The following SGTA variants were observed in gnomAD, a reference collection of about 807,000 sequenced individuals.
The protein encoded by SGTA is small glutamine rich tetratricopeptide repeat co-chaperone alpha.
A neutral mutation model predicts 44.3 loss-of-function variants in SGTA; 22 were observed. That is an observed-to-expected ratio of 0.50 (90% CI 0.36 to 0.71). The LOEUF (loss-of-function observed/expected upper bound fraction) is 0.71, where lower values mean the gene tolerates loss of function less well. Among genes scored for constraint, SGTA ranks in the 30% least tolerant of loss-of-function variants. The pLI is 0.00. For missense variants in SGTA, 341 were observed against 435.9 expected, an observed-to-expected ratio of 0.78 and a Z score of 1.94; for synonymous variants, 174 against 177.6, an observed-to-expected ratio of 0.98 and a Z score of 0.16.
In SGTA at chr19:2,767,343, G is replaced by C; in HGVS notation, c.208-123C>G. 1.3e-6 allele frequency: 1 copy of C among 782,876 alleles called. No homozygotes were observed. Among genetic ancestry groups the C allele is most frequent in the African/African-American group, 1.7e-5 (1 of 58,144 alleles). The allele number at this position is 782,876 out of a possible 1,614,324, so 48.5% of individuals were successfully genotyped here. On this transcript the variant is annotated intron_variant, in intron 3 of 11. Coordinates refer to ENST00000221566, the MANE Select transcript of SGTA (RefSeq NM_003021.4). This position sits in a 1 kb window ranked among gnomAD's most constrained non-coding sequence, Gnocchi z 7.3. ...TCCGAAGGACCCGGGGGCTCTGCAG[G>C]GGACTCCTGGCCCCCCATCATGTGG...
intron 1 of SGTA, among the ~76,000 whole-genome samples, chr19:2,774,652 C>T (rs946467065): frequency 6.6e-6 from 1 of 152,134 alleles, no homozygotes; most frequent in South Asian, 2.1e-4. Context: ...CTGAGCACTT[C>T]GCAGACCTAG....
At chr19:2,762,750 AT>A (rs1432613139) in intron 6 of SGTA, 106 bp from the exon 7 acceptor site, 1 of 1,352,428 alleles carries the variant, frequency 7.4e-7, no homozygotes, top group Non-Finnish European at 1.0e-6. Flanking sequence ...ACCACCTCGG[AT>A]GGTGCCACCC....
In SGTA at chr19:2,763,562, G is replaced by A; in HGVS notation, c.497+91C>T. On this transcript the variant is annotated intron_variant, in intron 6 of 11. Transcript: ENST00000221566. This position sits in a 1 kb window ranked among gnomAD's most constrained non-coding sequence, Gnocchi z 5.8. ...ACCGGGGTGGGAGAATTCGTTGTGG[G>A]TGGGAAAAAAGCCACACAAGAGAGG... The A allele has an allele frequency of 1.2e-6, 1 of 859,396 alleles. No homozygotes were observed. The highest frequency in any genetic ancestry group is 1.7e-5 in the African/African-American group (1 of 59,666). The allele number at this position is 859,396 out of a possible 1,614,324, so 53.2% of individuals were successfully genotyped here. A position where few individuals can be genotyped will look rare whatever the true frequency, so the allele number is the denominator to read the frequency against.
chr19:2,782,885 G>C (rs1915603211), intron 1 of SGTA, among the ~76,000 whole-genome samples: 1 of 152,206 alleles, frequency 6.6e-6, no homozygotes, highest in Non-Finnish European at 1.5e-5. Flanking sequence ...GGGGGTCCCT[G>C]AGTCACAGGG....
chr19:2,759,161 C>T (rs1914913245), intron 9 of SGTA, 96 bp downstream of exon 9: 11 of 1,126,204 alleles, frequency 9.8e-6, no homozygotes. Context: ...TTAAGTTGCA[C>T]ACTTTAAAGT....
rs1051567826 is a variant in SGTA, at chr19:2,763,275, C to T, written c.497+378G>A. Among the ~76,000 whole-genome samples, 5 of 152,192 alleles carry T rather than the reference C, an allele frequency of 3.3e-5. No homozygotes were observed. The highest frequency in any genetic ancestry group is 5.9e-5 in the Non-Finnish European group (4 of 68,030). On this transcript the variant is annotated intron_variant, in intron 6 of 11. Coordinates refer to ENST00000221566, the MANE Select transcript of SGTA (RefSeq NM_003021.4). This position sits in a 1 kb window ranked among gnomAD's most constrained non-coding sequence, Gnocchi z 5.8. Reference sequence around the variant, plus strand: ...CTGCACGGGGCGCAGGCTCCTGCCCCGGGGACCCTCCTGGCCTCACTCTCG... The same window carrying T: ...CTGCACGGGGCGCAGGCTCCTGCCCTGGGGACCCTCCTGGCCTCACTCTCG...
In SGTA at chr19:2,765,988, G is replaced by A. The variant is rs1005606610; in HGVS notation, c.293-703C>T. Among the ~76,000 whole-genome samples, 3 of 152,334 alleles carry A rather than the reference G, an allele frequency of 2.0e-5. No homozygotes were observed. The highest frequency in any genetic ancestry group is 2.1e-4 in the South Asian group (1 of 4,828). On this transcript the variant is annotated intron_variant, in intron 4 of 11. Coordinates refer to ENST00000221566, the MANE Select transcript of SGTA (RefSeq NM_003021.4). This position sits in a 1 kb window ranked among gnomAD's most constrained non-coding sequence, Gnocchi z 5.5. ...AATCCCAGCACTTTGGGAGGCCGAC[G>A]CAGGCGGATCGCAAGATCAGGAGAC...
At chr19:2,759,483 T>A in intron 8 of SGTA, 189 bp from the exon 9 acceptor site, 1 of 589,262 alleles carries the variant, frequency 1.7e-6, no homozygotes, top group Non-Finnish European at 3.0e-6. Context: ...AGCTGTGACC[T>A]CCACATTGTG....
At chr19:2,781,155 A>G (rs1915566051) in intron 1 of SGTA, among the ~76,000 whole-genome samples, 1 of 152,192 alleles carries the variant, frequency 6.6e-6, no homozygotes, top group African/African-American at 2.4e-5. Flanking sequence ...TTGGCATAAA[A>G]AAGAAAAAAT....
intron 1 of SGTA, among the ~76,000 whole-genome samples, chr19:2,779,878 G>T (rs1184470464): frequency 1.3e-5 from 2 of 152,028 alleles, no homozygotes; most frequent in Non-Finnish European, 2.9e-5. Flanking sequence ...TTTAAGACCA[G>T]CTTGGGCAAT....
chr19:2,758,037 G>A (rs1406364310), intron 9 of SGTA, among the ~76,000 whole-genome samples: 1 of 152,176 alleles, frequency 6.6e-6, no homozygotes, highest in Non-Finnish European at 1.5e-5. Context: ...GCCCCCAGAG[G>A]ACCCCTGCAA....
At chr19:2,772,443 G>C (rs1226459914) in intron 1 of SGTA, among the ~76,000 whole-genome samples, 1 of 152,236 alleles carries the variant, frequency 6.6e-6, no homozygotes, top group Non-Finnish European at 1.5e-5. Context: ...ACAGTGCAAG[G>C]GGTCTCTGCC....
At chr19:2,757,020 G>T (rs1914837776) in intron 11 of SGTA, among the ~76,000 whole-genome samples, 1 of 152,204 alleles carries the variant, frequency 6.6e-6, no homozygotes. Context: ...AGGCAGGGGG[G>T]ACCCCAGACA....
At chr19:2,764,702 A>G (rs1915091051) in intron 5 of SGTA, among the ~76,000 whole-genome samples, 3 of 152,132 alleles carry the variant, frequency 2.0e-5, no homozygotes. Context: ...CCTCTTGAGT[A>G]ACTGGTGGTG....
rs565513793 is a variant in SGTA, at chr19:2,767,498, C to A, written c.207+82G>T. Reference sequence around the variant, plus strand: ...GCAGAGTGCTGGGGGACGATGAGAGCGGGGCTCCTGGGGTCCCCAGGGCTG... The same window carrying A: ...GCAGAGTGCTGGGGGACGATGAGAGAGGGGCTCCTGGGGTCCCCAGGGCTG... On this transcript the variant is annotated intron_variant, in intron 3 of 11. Coordinates refer to ENST00000221566, the MANE Select transcript of SGTA (RefSeq NM_003021.4). This position sits in a 1 kb window ranked among gnomAD's most constrained non-coding sequence, Gnocchi z 7.3. 4 of 1,152,476 alleles carry A rather than the reference C, an allele frequency of 3.5e-6. No homozygotes were observed. Among genetic ancestry groups the A allele is most frequent in the Non-Finnish European group, 5.2e-6 (4 of 775,762 alleles). 71.4% of individuals were successfully genotyped at this position (1,152,476 alleles called of 1,614,324 possible).
At chr19:2,771,563 G>A (rs1414113871) in intron 1 of SGTA, among the ~76,000 whole-genome samples, 1 of 138,048 alleles carries the variant, frequency 7.2e-6, no homozygotes, top group Non-Finnish European at 1.5e-5. Flanking sequence ...GATGGCGACA[G>A]CACCTCCCCA....
rs2302491 is a variant in SGTA, at chr19:2,762,587, A to C, written c.555T>G (p.Ala185=). Residue 185 remains alanine (A), a synonymous_variant, in exon 7 of 12, where the codon GCT becomes GCG. Transcript: ENST00000221566. ...TCTCGTTGTCGGGGTCCAGCTCCAG[A>C]GCCTTCTTGTAGTAAGCCACGGCCT... ...HVEAVAYYKK[A]LELDPDNETY... 0.27 allele frequency: 429,716 copies of C among 1,613,608 alleles called. 67,459 individuals carry two copies. The highest frequency in any genetic ancestry group is 0.64 in the East Asian group (28,874 of 44,854).
In SGTA at chr19:2,767,986, C is replaced by A. The variant is rs533835171; in HGVS notation, c.101-300G>T. Among the ~76,000 whole-genome samples, 11 of 152,258 alleles carry A rather than the reference C, an allele frequency of 7.2e-5. No homozygotes were observed. The highest frequency in any genetic ancestry group is 2.6e-4 in the African/African-American group (11 of 41,550). On this transcript the variant is annotated intron_variant, in intron 2 of 11. Coordinates refer to ENST00000221566, the MANE Select transcript of SGTA (RefSeq NM_003021.4). The surrounding 1 kb of genome is among the most constrained non-coding windows in gnomAD (Gnocchi z 7.3). Reference sequence around the variant, plus strand: ...TCCCAATGCTGGGGCTGCCCGGCTGCGGCGTGGTGGGGGCTTGGCCCCACC... The same window carrying A: ...TCCCAATGCTGGGGCTGCCCGGCTGAGGCGTGGTGGGGGCTTGGCCCCACC...
intron 1 of SGTA, among the ~76,000 whole-genome samples, chr19:2,773,906 G>A (rs1189529007): frequency 8.0e-5 from 7 of 87,430 alleles, no homozygotes; most frequent in Non-Finnish European, 1.2e-4. Context: ...GGACTCCGAG[G>A]GCAGAGATGG....
Sources: allele counts gnomAD v4.1 joint callset (sites outside exome capture counted in the v4.1 genomes callset), GRCh38; gene constraint gnomAD v4.1.1; non-coding constraint Gnocchi (gnomAD v3.1); transcripts MANE v1.5; gene names NCBI Gene and HGNC (gene_info 2026-07-23, HGNC 2026-07-21).